Variants in LARGE1 observed in about 807,000 individuals in gnomAD.
LARGE1 encodes xylosyl- and glucuronyltransferase LARGE1.
In LARGE1, 43 loss-of-function variants were observed where a neutral mutation model predicts 87.6. That is an observed-to-expected ratio of 0.49 (90% CI 0.38 to 0.63). LARGE1 has a LOEUF of 0.63. Among genes scored for constraint, LARGE1 ranks in the 30% least tolerant of loss-of-function variants. LARGE1 has a pLI of 0.00. For missense variants in LARGE1, 802 were observed against 1,000.2 expected, an observed-to-expected ratio of 0.80 and a Z score of 2.67; for synonymous variants, 434 against 394.6, an observed-to-expected ratio of 1.10 and a Z score of -1.18.
chr22:33,858,244 T>C (rs2063813205), intron 1 of LARGE1, among the ~76,000 whole-genome samples: 1 of 152,196 alleles, frequency 6.6e-6, no homozygotes, highest in Admixed American at 6.5e-5. Context: ...GTGGACATCC[T>C]GCTGGATCCA....
chr22:33,297,806 C>T (rs1206263457), intron 12 of LARGE1, among the ~76,000 whole-genome samples: 1 of 151,470 alleles, frequency 6.6e-6, no homozygotes, highest in African/African-American at 2.4e-5. Context: ...ATGGTGAAAC[C>T]CTGTCTCTAC....
chr22:33,838,659 C>T lies in LARGE1; in HGVS notation c.-82-77101G>A, dbSNP rs530668904. Among the ~76,000 whole-genome samples the T allele has an allele frequency of 3.9e-5, 6 of 152,224 alleles. No individual in the cohort carries two copies. The South Asian group carries it at 6.2e-4, about 16-fold the overall frequency. On this transcript the variant is annotated intron_variant, in intron 1 of 14. Transcript: ENST00000397394. ...AAATAAATAAATAATTGTCCTTTAG[C>T]GATTTCTATCCTAATAAAACATCTT...
At chr22:33,348,284 C>T (rs1358716725) in intron 9 of LARGE1, among the ~76,000 whole-genome samples, 5 of 132,950 alleles carry the variant, frequency 3.8e-5, no homozygotes, top group East Asian at 2.7e-4. Flanking sequence ...CCACCCACCC[C>T]CCCCCAAAAA....
chr22:33,891,219 T>C (rs916788945), intron 1 of LARGE1, among the ~76,000 whole-genome samples: 10 of 152,216 alleles, frequency 6.6e-5, no homozygotes, highest in Non-Finnish European at 1.5e-5. Flanking sequence ...CTCTGTGCTC[T>C]ACCAAATGCC....
chr22:33,372,703 G>A (rs1435920270), intron 9 of LARGE1, among the ~76,000 whole-genome samples: 1 of 151,992 alleles, frequency 6.6e-6, no homozygotes, highest in African/African-American at 2.4e-5. Flanking sequence ...GATTTGGGTG[G>A]GGACACAGCC....
intron 5 of LARGE1, among the ~76,000 whole-genome samples, chr22:33,603,713 G>A (rs548013935): frequency 6.6e-6 from 1 of 152,280 alleles, no homozygotes; most frequent in South Asian, 2.1e-4. Context: ...GAATAGCGAA[G>A]GTTTACGGGA....
chr22:33,239,009 A>T (rs1926380094), intron 11 of LARGE1, among the ~76,000 whole-genome samples: 1 of 152,064 alleles, frequency 6.6e-6, no homozygotes, highest in Non-Finnish European at 1.5e-5. Context: ...AAAAAATAAG[A>T]TCAAATCAAA....
At chr22:33,389,702 G>A (rs1000912164) in intron 7 of LARGE1, among the ~76,000 whole-genome samples, 14 of 152,184 alleles carry the variant, frequency 9.2e-5, no homozygotes, top group Non-Finnish European at 1.2e-4. Context: ...AAAATGAGCC[G>A]GGCATGGTGG....
chr22:33,810,620 T>G (rs1041881355), intron 1 of LARGE1, among the ~76,000 whole-genome samples: 2 of 151,984 alleles, frequency 1.3e-5, no homozygotes, highest in African/African-American at 2.4e-5. Flanking sequence ...CTAGCAAGAG[T>G]ACTGATAGAG....
Position 33,899,833 on chromosome 22 carries a change from C to T in LARGE1, c.-83+20162G>A, listed in dbSNP as rs192555984. Among the ~76,000 whole-genome samples the T allele has an allele frequency of 1.9e-3, 294 of 152,274 alleles. 1 individual carries two copies. Among genetic ancestry groups the T allele is most frequent in the Middle Eastern group, 6.8e-3 (2 of 294 alleles). ...AGTGAGACTTCTGCAGTGCTTTGGG[C>T]ATCTCAAAGAATACATCCAGATGTA... On this transcript the variant is annotated intron_variant, in intron 1 of 14. Transcript: ENST00000397394.
intron 1 of LARGE1, among the ~76,000 whole-genome samples, chr22:33,810,473 G>C (rs2086457556): frequency 6.6e-6 from 1 of 152,170 alleles, no homozygotes; most frequent in South Asian, 2.1e-4. Flanking sequence ...CAGCTCTTCA[G>C]CTCTGAGCAC....
At chr22:33,804,855 G>A (rs555201155) in intron 1 of LARGE1, among the ~76,000 whole-genome samples, 16 of 152,230 alleles carry the variant, frequency 1.1e-4, no homozygotes, top group Non-Finnish European at 1.9e-4. Context: ...TCAGGTTCAC[G>A]GCTTTCAATG....
rs750516051 is a variant in LARGE1, at chr22:33,274,217, C to T, written c.*210G>A. 4 of 630,250 alleles carry T rather than the reference C, an allele frequency of 6.3e-6. No homozygotes were observed. In the East Asian group the frequency reaches 1.1e-4, roughly 17 times the overall value. The allele number at this position is 630,250 out of a possible 1,614,324, so 39.0% of individuals were successfully genotyped here. The stretch of plus-strand genomic sequence containing the variant: ...TCATCTAGGTGGGCTGCATAGCTAA[C>T]CTCTGGGAATGCAGGGTTGTGGGGC... On this transcript the variant is annotated 3_prime_UTR_variant, in exon 15 of 15. Coordinates refer to ENST00000397394, the MANE Select transcript of LARGE1 (RefSeq NM_133642.5).
At position 33,894,499 on chromosome 22, in the gene LARGE1, C is replaced by G. The variant is rs558957716; in HGVS notation, c.-83+25496G>C. Among the ~76,000 whole-genome samples, 130 of 152,136 alleles carry G rather than the reference C, an allele frequency of 8.5e-4. 2 individuals carry two copies. Among genetic ancestry groups the G allele is most frequent in the Non-Finnish European group, 9.6e-4 (65 of 68,030 alleles). On this transcript the variant is annotated intron_variant, in intron 1 of 14. Transcript: ENST00000397394. ...TGAGGCTTTAGCTGTGTCCCCTACC[C>G]GACACTGTCCCACTGCTGTCCATCA...
chr22:33,124,394 A>AAGGAAGG, the LARGE1 span, among the ~76,000 whole-genome samples: 1 of 151,402 alleles, frequency 6.6e-6, no homozygotes, highest in African/African-American at 2.4e-5. Context: ...GGGAGGAAGG[A>AAGGAAGG]AAATGATGGC....
intron 1 of LARGE1, among the ~76,000 whole-genome samples, chr22:33,772,082 C>G (rs8142976): frequency 0.08 from 12,178 of 152,238 alleles, 588 homozygotes; most frequent in South Asian, 0.22. Flanking sequence ...ACCTGTAATC[C>G]CAGCACTTTG....
intron 6 of LARGE1, among the ~76,000 whole-genome samples, chr22:33,558,714 A>T (rs2413192): frequency 0.35 from 52,770 of 152,078 alleles, 10,856 homozygotes; most frequent in Non-Finnish European, 0.45. Context: ...TTCAAAGAGC[A>T]TTAAAAACTC....
At position 33,875,630 on chromosome 22, in the gene LARGE1, G is replaced by A. The variant is rs9621794; in HGVS notation, c.-83+44365C>T. 5.2e-3 allele frequency among the ~76,000 whole-genome samples: 793 copies of A among 152,336 alleles called. 9 individuals carry two copies. The highest frequency in any genetic ancestry group is 0.018 in the African/African-American group (752 of 41,582). ...AGCAGCCCCAGCCATGTCCCATGCCGCAAAGCAGGTGACCGATGAATTTAG... is the reference window on the plus strand; with the variant it reads ...AGCAGCCCCAGCCATGTCCCATGCCACAAAGCAGGTGACCGATGAATTTAG... On this transcript the variant is annotated intron_variant, in intron 1 of 14. Coordinates refer to ENST00000397394, the MANE Select transcript of LARGE1 (RefSeq NM_133642.5).
At chr22:33,920,890 G>A (rs1195285578), upstream of LARGE1, among the ~76,000 whole-genome samples, 1 of 146,862 alleles carries the variant, frequency 6.8e-6, no homozygotes, top group African/African-American at 2.4e-5. Flanking sequence ...CCCGCGCCCG[G>A]CCAGGAGTGG....
Sources: allele counts gnomAD v4.1 joint callset (sites outside exome capture counted in the v4.1 genomes callset), GRCh38; gene constraint gnomAD v4.1.1; transcripts MANE v1.5; gene names NCBI Gene and HGNC (gene_info 2026-07-23, HGNC 2026-07-21).